The following SEZ6L variants were observed in gnomAD, a reference collection of about 807,000 sequenced individuals.
SEZ6L encodes seizure 6-like protein.
A neutral mutation model predicts 106.2 loss-of-function variants in SEZ6L; 37 were observed. That is an observed-to-expected ratio of 0.35 (90% CI 0.27 to 0.46). SEZ6L has a LOEUF of 0.46. Among genes scored for constraint, SEZ6L ranks in the 20% least tolerant of loss-of-function variants. SEZ6L has a pLI of 1.00. For missense variants in SEZ6L, 1,172 were observed against 1,332.8 expected, an observed-to-expected ratio of 0.88 and a Z score of 1.88; for synonymous variants, 541 against 570.4, an observed-to-expected ratio of 0.95 and a Z score of 0.73.
chr22:26,313,570 TTA>T (rs2081905841), intron 8 of SEZ6L, among the ~76,000 whole-genome samples, 192 bp from the exon 9 acceptor site: 2 of 106,810 alleles, frequency 1.9e-5, no homozygotes, highest in African/African-American at 3.9e-5. Flanking sequence ...CATTTAATCA[TTA>T]CACACACACA....
chr22:26,188,473 C>T (rs182138485), intron 1 of SEZ6L, among the ~76,000 whole-genome samples: 1 of 152,152 alleles, frequency 6.6e-6, no homozygotes, highest in Non-Finnish European at 1.5e-5. Flanking sequence ...TTGGCCTTCT[C>T]CCACCATGGG....
chr22:26,222,723 TA>T (rs200008664), intron 1 of SEZ6L, among the ~76,000 whole-genome samples: 140 of 152,324 alleles, frequency 9.2e-4, no homozygotes, highest in African/African-American at 3.3e-3. Flanking sequence ...TGGGTTTACA[TA>T]AAAAAATTTT....
chr22:26,248,634 A>G (rs1444421927), intron 1 of SEZ6L, among the ~76,000 whole-genome samples: 7 of 152,224 alleles, frequency 4.6e-5, no homozygotes, highest in African/African-American at 9.6e-5. Flanking sequence ...TGGACATACA[A>G]TTCTGACTCT....
rs968672701 is a variant in SEZ6L, at chr22:26,237,302, A to G, written c.95-55104A>G. ...TCCTTCAATTACACGCCTGTTTCCC[A>G]CAATGAGCAGGGACCAGGTCTTTTG... On this transcript the variant is annotated intron_variant, in intron 1 of 16. Coordinates refer to ENST00000248933, the MANE Select transcript of SEZ6L (RefSeq NM_021115.5). Among the ~76,000 whole-genome samples the G allele has an allele frequency of 2.0e-5, 3 of 152,228 alleles. No individual in the cohort carries two copies. In the East Asian group the frequency reaches 5.8e-4, roughly 29 times the overall value.
intron 3 of SEZ6L, 51 bp from the exon 4 acceptor site, chr22:26,296,837 G>C: frequency 1.4e-6 from 2 of 1,465,852 alleles, no homozygotes; most frequent in Non-Finnish European, 1.8e-6. Flanking sequence ...AGAAGGCTCT[G>C]TCTCAAACAC....
intron 13 of SEZ6L, among the ~76,000 whole-genome samples, chr22:26,368,482 G>C (rs1330005100): frequency 6.6e-6 from 1 of 152,210 alleles, no homozygotes; most frequent in Non-Finnish European, 1.5e-5. Context: ...TATGCTGAGT[G>C]AAGGAAGCCA....
At chr22:26,256,626 C>T (rs368478492) in intron 1 of SEZ6L, among the ~76,000 whole-genome samples, 212 of 152,324 alleles carry the variant, frequency 1.4e-3, no homozygotes, top group African/African-American at 4.9e-3. Flanking sequence ...AGGTGACTCT[C>T]GTGGACTTCC....
In SEZ6L at chr22:26,340,427, C is replaced by T; in HGVS notation, c.2016-9C>T. 2 of 1,602,398 alleles carry T rather than the reference C, an allele frequency of 1.2e-6. No homozygotes were observed. The highest frequency in any genetic ancestry group is 1.7e-6 in the Non-Finnish European group (2 of 1,174,550). ...TTCACATGACTCTCCCTCTTCTCTG[C>T]CCTCCAAGCCTGAATCTGAGCAACA... On this transcript the variant is annotated splice_polypyrimidine_tract_variant and intron_variant, in intron 9 of 16. Transcript: ENST00000248933.
chr22:26,291,605 T>A (rs2081110812), intron 1 of SEZ6L, among the ~76,000 whole-genome samples: 1 of 152,006 alleles, frequency 6.6e-6, no homozygotes, highest in Non-Finnish European at 1.5e-5. Flanking sequence ...AAAATTAAAA[T>A]TTAAATTTAA....
At chr22:26,190,285 A>T (rs946901815) in intron 1 of SEZ6L, among the ~76,000 whole-genome samples, 1 of 152,310 alleles carries the variant, frequency 6.6e-6, no homozygotes, top group Admixed American at 6.5e-5. Context: ...GTAAAGTTAC[A>T]TGAGGTTATT....
At chr22:26,254,005 G>A (rs1247640025) in intron 1 of SEZ6L, 1 of 152,192 alleles carries the variant, frequency 6.6e-6, no homozygotes, top group Non-Finnish European at 1.5e-5. Flanking sequence ...AAACTCATGG[G>A]AAATGTTCAT....
chr22:26,285,714 C>A (rs1270803411), intron 1 of SEZ6L, among the ~76,000 whole-genome samples: 1 of 152,166 alleles, frequency 6.6e-6, no homozygotes, highest in East Asian at 1.9e-4. Context: ...AATGATCCAG[C>A]CTAGATGTCA....
intron 10 of SEZ6L, among the ~76,000 whole-genome samples, chr22:26,343,324 C>CAAAA (rs763323751): frequency 6.3e-5 from 4 of 63,096 alleles, no homozygotes; most frequent in Non-Finnish European, 9.8e-5. Flanking sequence ...GCTTGATGGC[C>CAAAA]AAAAAAAAAA....
intron 1 of SEZ6L, among the ~76,000 whole-genome samples, chr22:26,292,051 AGAAGGAAGGAAAT>A (rs2081135649): frequency 2.0e-5 from 3 of 146,534 alleles, no homozygotes; most frequent in South Asian, 2.2e-4. Flanking sequence ...ATGGAAGGAA[AGAAGGAAGGAAAT>A]GAAGGAAGAA....
rs544583908 is a variant in SEZ6L at position 26,375,011 on chromosome 22, G to A, written c.2828-564G>A. Among the ~76,000 whole-genome samples the A allele has an allele frequency of 4.6e-5, 7 of 152,236 alleles. No individual in the cohort carries two copies. The East Asian group carries it at 1.4e-3, about 29-fold the overall frequency. On this transcript the variant is annotated intron_variant, in intron 14 of 16. Transcript: ENST00000248933. The stretch of plus-strand genomic sequence containing the variant: ...GTGGACTGGAGAGTAGAACTCAAAA[G>A]GTCTAGGACGGGCCCGTCAGTCTGC...
At chr22:26,324,099 C>A (rs866297752) in intron 9 of SEZ6L, among the ~76,000 whole-genome samples, 149 of 146,830 alleles carry the variant, frequency 1.0e-3, no homozygotes, top group South Asian at 3.2e-3. Flanking sequence ...CACACACACA[C>A]ACAAACACAC....
chr22:26,367,959 C>T (rs1232824925), intron 13 of SEZ6L, among the ~76,000 whole-genome samples: 1 of 152,222 alleles, frequency 6.6e-6, no homozygotes, highest in Admixed American at 6.5e-5. Flanking sequence ...TAAGTTGTAA[C>T]ACACTAAGTA....
rs1301483230 is a variant in SEZ6L at position 26,240,074 on chromosome 22, ACACACACACACACACACT to A, written c.95-52314_95-52297del. Among the ~76,000 whole-genome samples, 50 of 135,626 alleles carry A rather than the reference ACACACACACACACACACT, an allele frequency of 3.7e-4. No homozygotes were observed. The South Asian group carries it at 5.0e-3, about 14-fold the overall frequency. The allele number at this position is 135,626 out of a possible 152,430, so 89.0% of individuals were successfully genotyped here. A position where few individuals can be genotyped will look rare whatever the true frequency, so the allele number is the denominator to read the frequency against. On this transcript the variant is annotated intron_variant, in intron 1 of 16. Coordinates refer to ENST00000248933, the MANE Select transcript of SEZ6L (RefSeq NM_021115.5). ...CACACATACACACATACAGACACAC[ACACACACACACACACACT>A]CACACACACACACACACACACACAC...
At position 26,296,911 on chromosome 22, in the gene SEZ6L, T is replaced by C. The variant is rs2081317964; in HGVS notation, c.993T>C (p.Asp331=). The C allele has an allele frequency of 1.2e-6, 2 of 1,611,424 alleles. No individual in the cohort carries two copies. The highest frequency in any genetic ancestry group is 1.7e-6 in the Non-Finnish European group (2 of 1,178,634). The change falls in exon 4 of 17, where the codon GAT becomes GAC. Residue 331 remains aspartate, a synonymous_variant. Coordinates refer to ENST00000248933, the MANE Select transcript of SEZ6L (RefSeq NM_021115.5). ...ELQVKSVNLS[D]GELLSIRGVD... is the part of the protein sequence containing the mutation. ...AGGTGAAGAGTGTGAACCTGTCCGA[T>C]GGGGAACTGCTCTCCATCCGCGGGG...
Sources: allele counts gnomAD v4.1 joint callset (sites outside exome capture counted in the v4.1 genomes callset), GRCh38; gene constraint gnomAD v4.1.1; transcripts MANE v1.5; gene names NCBI Gene and HGNC (gene_info 2026-07-23, HGNC 2026-07-21).